The following GRM7 variants were observed in gnomAD, a reference collection of about 807,000 sequenced individuals.
The protein encoded by GRM7 is metabotropic glutamate receptor 7.
GRM7 carries 35 observed loss-of-function variants against 84.5 expected under a neutral mutation model. The ratio of observed to expected loss-of-function variants is 0.41; its 90% CI spans 0.32 to 0.55. The LOEUF (loss-of-function observed/expected upper bound fraction) is 0.55, where lower values mean the gene tolerates loss of function less well. GRM7 is among the 20% of genes least tolerant of loss of function. The pLI is 0.19. For missense variants in GRM7, 1,003 were observed against 1,194.6 expected, an observed-to-expected ratio of 0.84 and a Z score of 2.36; for synonymous variants, 487 against 455.1, an observed-to-expected ratio of 1.07 and a Z score of -0.89.
chr3:7,062,136 A>C (rs1697452132), intron 1 of GRM7, among the ~76,000 whole-genome samples: 1 of 151,734 alleles, frequency 6.6e-6, no homozygotes, highest in South Asian at 2.1e-4. Flanking sequence ...AGAAAAGAAA[A>C]ATAAAAGGGA....
chr3:7,353,545 GGATTCAC>G (rs757541127), intron 4 of GRM7, among the ~76,000 whole-genome samples: 1 of 152,040 alleles, frequency 6.6e-6, no homozygotes, highest in Non-Finnish European at 1.5e-5. Context: ...GTAGAGAAAG[GGATTCAC>G]GGGCTTAAGA....
chr3:7,566,679 G>T (rs987498652), intron 7 of GRM7, among the ~76,000 whole-genome samples: 1 of 151,920 alleles, frequency 6.6e-6, no homozygotes, highest in Non-Finnish European at 1.5e-5. Flanking sequence ...TAGCTAACTG[G>T]TATCAGTAGA....
chr3:7,311,858 GTGT>G (rs1700408817), intron 4 of GRM7, among the ~76,000 whole-genome samples: 1 of 152,140 alleles, frequency 6.6e-6, no homozygotes, highest in South Asian at 2.1e-4. Context: ...GCCTCCCAAA[GTGT>G]TAGGATTACA....
intron 1 of GRM7, among the ~76,000 whole-genome samples, chr3:7,011,351 A>C (rs1391296949): frequency 6.6e-6 from 1 of 152,210 alleles, no homozygotes; most frequent in Non-Finnish European, 1.5e-5. Context: ...CCATTAGTGA[A>C]TTGGTAAATC....
intron 1 of GRM7, among the ~76,000 whole-genome samples, chr3:6,997,953 C>G (rs1195383101): frequency 6.6e-6 from 1 of 151,458 alleles, no homozygotes; most frequent in Non-Finnish European, 1.5e-5. Flanking sequence ...AACCCCATCT[C>G]TACTAAAAAT....
intron 9 of GRM7, among the ~76,000 whole-genome samples, chr3:7,684,638 T>C (rs1700507395): frequency 6.6e-6 from 1 of 152,204 alleles, no homozygotes; most frequent in Non-Finnish European, 1.5e-5. Context: ...CCTCAAGAAA[T>C]ATAATTATCC....
At chr3:7,345,248 T>G (rs1692837095) in intron 4 of GRM7, among the ~76,000 whole-genome samples, 1 of 151,936 alleles carries the variant, frequency 6.6e-6, no homozygotes, top group Non-Finnish European at 1.5e-5. Context: ...TGATTTTAAC[T>G]CTGTCTCATA....
At chr3:7,609,570 T>C (rs1446039016) in intron 8 of GRM7, among the ~76,000 whole-genome samples, 2 of 151,566 alleles carry the variant, frequency 1.3e-5, no homozygotes, top group South Asian at 2.1e-4. Flanking sequence ...GGCACAGGTA[T>C]GGGTAGGTGG....
intron 2 of GRM7, among the ~76,000 whole-genome samples, chr3:7,168,796 A>T (rs1482498213): frequency 6.6e-6 from 1 of 152,190 alleles, no homozygotes; most frequent in Non-Finnish European, 1.5e-5. Flanking sequence ...AACTACCAAG[A>T]CTAGTCCTAA....
At chr3:7,441,679 A>G (rs1388851703) in intron 5 of GRM7, among the ~76,000 whole-genome samples, 1 of 152,160 alleles carries the variant, frequency 6.6e-6, no homozygotes, top group Non-Finnish European at 1.5e-5. Context: ...GAGGTGGTAC[A>G]GTTTCAGTCT....
intron 7 of GRM7, among the ~76,000 whole-genome samples, chr3:7,567,840 G>A (rs1364575828): frequency 6.7e-5 from 10 of 149,156 alleles, no homozygotes; most frequent in Admixed American, 2.7e-4. Context: ...GGGGTGAGAG[G>A]GTTTTCAAAA....
intron 1 of GRM7, among the ~76,000 whole-genome samples, chr3:6,936,729 A>G (rs1697707588): frequency 6.6e-6 from 1 of 152,192 alleles, no homozygotes; most frequent in African/African-American, 2.4e-5. Context: ...ACGACATTCT[A>G]TGAGTTTCTA....
chr3:7,092,283 T>A (rs1698693418), intron 1 of GRM7, among the ~76,000 whole-genome samples: 1 of 152,224 alleles, frequency 6.6e-6, no homozygotes, highest in Non-Finnish European at 1.5e-5. Flanking sequence ...TGACAGAACT[T>A]CTAAATAGAG....
At chr3:6,942,307 A>T (rs976671447) in intron 1 of GRM7, among the ~76,000 whole-genome samples, 1 of 152,148 alleles carries the variant, frequency 6.6e-6, no homozygotes, top group Non-Finnish European at 1.5e-5. Context: ...GGTATAATTC[A>T]CATGAAATAA....
chr3:7,330,148 G>A (rs1499210), intron 4 of GRM7, among the ~76,000 whole-genome samples: 70,566 of 152,012 alleles, frequency 0.46, 16,629 homozygotes, highest in African/African-American at 0.54. Context: ...AAAAGGTCTC[G>A]TAAAAGCACA....
At chr3:6,868,899 A>G (rs1400007513) in intron 1 of GRM7, among the ~76,000 whole-genome samples, 4 of 152,136 alleles carry the variant, frequency 2.6e-5, no homozygotes, top group Non-Finnish European at 4.4e-5. Context: ...AGAATTCTCC[A>G]TCTTTGGGTG....
In GRM7 at chr3:7,630,883, G is replaced by C. The variant is rs966195404; in HGVS notation, c.2452-49166G>C. ...TTTGTGTCTGGTAATCTTCATTGCT[G>C]TTAAGTGTTAAGCCCGATGAACCCA... On this transcript the variant is annotated intron_variant, in intron 8 of 9. Coordinates refer to ENST00000357716, the MANE Select transcript of GRM7 (RefSeq NM_000844.4). Among the ~76,000 whole-genome samples, 17 of 152,306 alleles carry C rather than the reference G, an allele frequency of 1.1e-4. No individual in the cohort carries two copies. In the South Asian group the frequency reaches 3.5e-3, roughly 32 times the overall value.
chr3:7,387,167 C>G (rs1694817431), intron 4 of GRM7, among the ~76,000 whole-genome samples: 1 of 152,002 alleles, frequency 6.6e-6, no homozygotes, highest in Non-Finnish European at 1.5e-5. Context: ...TATTTAAGTT[C>G]CTCATACATT....
rs529906460 is a variant in GRM7 at position 7,269,156 on chromosome 3, C to T, written c.737-29528C>T. On this transcript the variant is annotated intron_variant, in intron 2 of 9. Transcript: ENST00000357716. ...CTCAAAGCAAGGCATGCTTTTCCAT[C>T]GAAGCACTGTTTTGCCTATCATTAT... 3.3e-5 allele frequency among the ~76,000 whole-genome samples: 5 copies of T among 152,314 alleles called. No homozygotes were observed. The East Asian group carries it at 9.6e-4, about 29-fold the overall frequency.
Sources: allele counts gnomAD v4.1 joint callset (sites outside exome capture counted in the v4.1 genomes callset), GRCh38; gene constraint gnomAD v4.1.1; transcripts MANE v1.5; gene names NCBI Gene and HGNC (gene_info 2026-07-23, HGNC 2026-07-21).